The following FAM114A2 variants were observed in gnomAD, a reference collection of about 807,000 sequenced individuals.
FAM114A2 encodes the protein protein FAM114A2.
In FAM114A2, 53 loss-of-function variants were observed where a neutral mutation model predicts 58.4. The ratio of observed to expected loss-of-function variants is 0.91; its 90% CI spans 0.73 to 1.14. FAM114A2 has a LOEUF of 1.14. Ranked by LOEUF, FAM114A2 falls within the 50% of genes most tolerant of loss-of-function variation. The probability of loss-of-function intolerance (pLI) is 0.00; values close to 1 mark genes in which losing one functional copy is unlikely to be tolerated. For synonymous variants in FAM114A2, 228 were observed against 211.4 expected (o/e 1.08, Z -0.68); for missense variants, 601 against 581.1 (o/e 1.03, Z -0.35).
chr5:154,001,535 G>A (rs1460220622), intron 11 of FAM114A2, among the ~76,000 whole-genome samples: 1 of 152,206 alleles, frequency 6.6e-6, no homozygotes, highest in African/African-American at 2.4e-5. Flanking sequence ...TGCAAGTAAA[G>A]AGGAAGTCTG....
intron 1 of FAM114A2, among the ~76,000 whole-genome samples, chr5:154,035,889 T>C (rs931426182): frequency 2.0e-5 from 3 of 152,196 alleles, no homozygotes; most frequent in Admixed American, 2.0e-4. Context: ...TTCTGACAGT[T>C]GTGTGGTGAT....
intron 8 of FAM114A2, among the ~76,000 whole-genome samples, chr5:154,026,078 T>A (rs1053959457): frequency 2.3e-4 from 35 of 152,198 alleles, no homozygotes; most frequent in African/African-American, 8.2e-4. Context: ...CCAGTCAAAC[T>A]GAGGCAAGAA....
chr5:154,032,037 A>G (rs994109330), intron 4 of FAM114A2, among the ~76,000 whole-genome samples: 2 of 152,230 alleles, frequency 1.3e-5, no homozygotes, highest in Non-Finnish European at 2.9e-5. Flanking sequence ...AGACAAATAC[A>G]TAATTGACTC....
chr5:154,036,095 A>G (rs999010565), intron 1 of FAM114A2: 2 of 152,024 alleles, frequency 1.3e-5, no homozygotes, highest in Admixed American at 1.3e-4. Flanking sequence ...TGGTTTGCAA[A>G]TATTTTTTTC....
At chr5:154,035,351 T>C (rs1371940441) in intron 1 of FAM114A2, among the ~76,000 whole-genome samples, 4 of 152,182 alleles carry the variant, frequency 2.6e-5, no homozygotes, top group African/African-American at 9.6e-5. Flanking sequence ...CCGACACTCC[T>C]TCCAACCCAA....
intron 6 of FAM114A2, among the ~76,000 whole-genome samples, chr5:154,027,941 G>A (rs1346392554): frequency 6.6e-6 from 1 of 152,148 alleles, no homozygotes; most frequent in African/African-American, 2.4e-5. Flanking sequence ...CTGATGGGAG[G>A]CTCCTGCAGA....
chr5:154,028,328 T>C (rs368390978), intron 5 of FAM114A2, 45 bp from the exon 6 acceptor site: 36 of 1,337,294 alleles, frequency 2.7e-5, no homozygotes, highest in African/African-American at 1.9e-4. Context: ...TAAGAAAACA[T>C]ATTTTTATGC....
intron 10 of FAM114A2, 73 bp from the exon 11 acceptor site, chr5:154,002,463 T>C (rs988675395): frequency 6.8e-7 from 1 of 1,474,202 alleles, no homozygotes; most frequent in Non-Finnish European, 9.4e-7. Flanking sequence ...ACTTCTCTCA[T>C]ACTACAGGAT....
At chr5:154,001,310 G>T (rs1769955201) in intron 11 of FAM114A2, among the ~76,000 whole-genome samples, 2 of 152,204 alleles carry the variant, frequency 1.3e-5, no homozygotes, top group Non-Finnish European at 2.9e-5. Flanking sequence ...TTTAGACTTT[G>T]TGGTGAAGGA....
At chr5:154,002,778 T>G (rs960701369) in intron 10 of FAM114A2, 69 bp downstream of exon 10, 1 of 1,536,718 alleles carries the variant, frequency 6.5e-7, no homozygotes, top group African/African-American at 1.4e-5. Context: ...AATAGGAGCC[T>G]GGGTCCCTGA....
chr5:154,003,449 G>C (rs1261478002), intron 9 of FAM114A2, among the ~76,000 whole-genome samples: 1 of 152,106 alleles, frequency 6.6e-6, no homozygotes, highest in Non-Finnish European at 1.5e-5. Flanking sequence ...AAAGTGCTGG[G>C]ATTACAGGCA....
At chr5:154,008,546 C>A (rs1204506107) in intron 9 of FAM114A2, among the ~76,000 whole-genome samples, 1 of 152,110 alleles carries the variant, frequency 6.6e-6, no homozygotes, top group African/African-American at 2.4e-5. Context: ...AATTTTGTTT[C>A]ATGCACAAAT....
In FAM114A2 at chr5:153,997,686, A is replaced by G. The variant is rs549700471; in HGVS notation, c.1329+117T>C. On this transcript the variant is annotated intron_variant, in intron 12 of 13. Coordinates refer to ENST00000351797, the MANE Select transcript of FAM114A2 (RefSeq NM_018691.4). ...TGGAAATGGCCGCGCAACTCTGTAA[A>G]TATACTAAAAACTAAAAACTATTGA... The G allele has an allele frequency of 5.9e-6, 4 of 680,234 alleles. No individual in the cohort carries two copies. The South Asian group carries it at 7.6e-5, about 13-fold the overall frequency. The allele number at this position is 680,234 out of a possible 1,614,324, so 42.1% of individuals were successfully genotyped here.
At chr5:154,007,323 T>C (rs1770419979) in intron 9 of FAM114A2, among the ~76,000 whole-genome samples, 1 of 152,190 alleles carries the variant, frequency 6.6e-6, no homozygotes, top group African/African-American at 2.4e-5. Context: ...AGCTTATTTA[T>C]TTCCAACAGA....
intron 9 of FAM114A2, 77 bp from the exon 10 acceptor site, chr5:154,003,046 TA>T: frequency 7.5e-7 from 1 of 1,332,530 alleles, no homozygotes; most frequent in Non-Finnish European, 1.1e-6. Flanking sequence ...AGGAACACAA[TA>T]GCATCCTAGA....
intron 4 of FAM114A2, 38 bp from the exon 5 acceptor site, chr5:154,029,618 G>T: frequency 1.7e-6 from 2 of 1,152,820 alleles, no homozygotes; most frequent in Non-Finnish European, 2.6e-6. Context: ...TGAAGGGAAG[G>T]TCCCTTAACT....
At chr5:154,010,431 GCA>G (rs1770613177) in intron 9 of FAM114A2, among the ~76,000 whole-genome samples, 2 of 152,166 alleles carry the variant, frequency 1.3e-5, no homozygotes, top group African/African-American at 4.8e-5. Context: ...TTTTCGATGG[GCA>G]TAGGAGAGTG....
intron 4 of FAM114A2, 136 bp from the exon 5 acceptor site, chr5:154,029,716 A>G: frequency 2.0e-6 from 1 of 489,672 alleles, no homozygotes; most frequent in East Asian, 3.6e-5. Context: ...ATCATTTTAA[A>G]CCATTTGCTT....
At chr5:154,005,481 A>G (rs1770290416) in intron 9 of FAM114A2, among the ~76,000 whole-genome samples, 1 of 152,210 alleles carries the variant, frequency 6.6e-6, no homozygotes. Flanking sequence ...GAAATGGAAA[A>G]AAGTCACCCA....
Sources: allele counts gnomAD v4.1 joint callset (sites outside exome capture counted in the v4.1 genomes callset), GRCh38; gene constraint gnomAD v4.1.1; transcripts MANE v1.5; gene names NCBI Gene and HGNC (gene_info 2026-07-23, HGNC 2026-07-21).